ADAM12: variants seen among roughly 807,000 people sequenced by gnomAD.
The protein encoded by ADAM12 is disintegrin and metalloproteinase domain-containing protein 12.
In ADAM12, 70 loss-of-function variants were observed where a neutral mutation model predicts 106.4. The ratio of observed to expected loss-of-function variants is 0.66; its 90% CI spans 0.54 to 0.80. The LOEUF (loss-of-function observed/expected upper bound fraction) is 0.80. Ranked by LOEUF, ADAM12 falls within the 30% of genes least tolerant of loss-of-function variation. ADAM12 has a pLI of 0.00. For missense variants in ADAM12, 1,010 were observed against 1,171.9 expected (o/e 0.86, Z 2.02); for synonymous variants, 420 against 433.5 (o/e 0.97, Z 0.39).
At chr10:126,371,623 C>T (rs1190411807) in intron 1 of ADAM12, among the ~76,000 whole-genome samples, 1 of 152,194 alleles carries the variant, frequency 6.6e-6, no homozygotes, top group Non-Finnish European at 1.5e-5. Context: ...GAGTGCTTAA[C>T]GGGCTTTACT....
intron 3 of ADAM12, among the ~76,000 whole-genome samples, chr10:126,187,158 G>A (rs193279579): frequency 1.6e-4 from 24 of 152,074 alleles, no homozygotes; most frequent in Admixed American, 1.4e-3. Flanking sequence ...TCTCTGTATC[G>A]TGGGAATTAC....
intron 6 of ADAM12, among the ~76,000 whole-genome samples, chr10:126,114,133 C>G (rs1388896253): frequency 1.3e-5 from 2 of 152,068 alleles, no homozygotes; most frequent in Admixed American, 6.5e-5. Context: ...TTGACCGTGA[C>G]TGGCATGGGG....
At chr10:126,284,311 T>C (rs972108297) in intron 2 of ADAM12, among the ~76,000 whole-genome samples, 3 of 118,832 alleles carry the variant, frequency 2.5e-5, no homozygotes, top group African/African-American at 3.4e-5. Context: ...CCAGCCTGGA[T>C]GACAGAGCAA....
At chr10:126,279,082 T>A in intron 2 of ADAM12, 94 bp from the exon 3 acceptor site, 1 of 912,916 alleles carries the variant, frequency 1.1e-6, no homozygotes, top group Non-Finnish European at 1.8e-6. Flanking sequence ...AATGAGGGAA[T>A]AAACGATGCG....
intron 3 of ADAM12, among the ~76,000 whole-genome samples, chr10:126,212,620 C>G (rs1413330201): frequency 6.6e-6 from 1 of 152,108 alleles, no homozygotes; most frequent in East Asian, 1.9e-4. Context: ...ACTGGGCTAT[C>G]TTGGTTTCTC....
intron 18 of ADAM12, among the ~76,000 whole-genome samples, chr10:126,042,686 G>A (rs1323328472): frequency 1.3e-5 from 2 of 152,198 alleles, no homozygotes; most frequent in Non-Finnish European, 2.9e-5. Flanking sequence ...TTCACACCTT[G>A]TCACCCTACC....
chr10:126,232,950 G>A (rs898834153), intron 3 of ADAM12, among the ~76,000 whole-genome samples: 1 of 152,286 alleles, frequency 6.6e-6, no homozygotes, highest in Non-Finnish European at 1.5e-5. Context: ...AAGGACGGGG[G>A]CAGTAGGGAG....
At chr10:126,310,032 G>T (rs551243937) in intron 2 of ADAM12, among the ~76,000 whole-genome samples, 1 of 151,990 alleles carries the variant, frequency 6.6e-6, no homozygotes, top group Admixed American at 6.6e-5. Flanking sequence ...AGTGGCATGC[G>T]CCTGTAATCC....
chr10:126,109,780 G>C lies in ADAM12; in HGVS notation c.664C>G (p.Arg222Gly), dbSNP rs879811563. 6.2e-7 allele frequency: 1 copy of C among 1,611,380 alleles called. No homozygotes were observed. The highest frequency in any genetic ancestry group is 2.2e-5 in the East Asian group (1 of 44,876). The change falls in exon 7 of 23, where the codon CGA (arginine) becomes GGA (glycine). Residue 222 changes from arginine (R) to glycine (G), a missense_variant. Arg to Gly is a moderately radical substitution (Grantham distance 125). Coordinates refer to ENST00000448723, the MANE Select transcript of ADAM12 (RefSeq NM_001288973.2). The stretch of plus-strand genomic sequence containing the variant: ...AAATTTTAAAAAGTTCTTACCTCTC[G>C]GTTGTCTGCCACGATCACCAGCTCC... ...YVELVIVADN[R>G]EFQRQGKDLE... is the part of the protein sequence containing the mutation.
intron 5 of ADAM12, among the ~76,000 whole-genome samples, chr10:126,128,594 G>A (rs566690240): frequency 4.7e-4 from 71 of 151,310 alleles, no homozygotes; most frequent in African/African-American, 1.5e-3. Flanking sequence ...TGTGGTGCGC[G>A]TGTGGGAATG....
intron 17 of ADAM12, among the ~76,000 whole-genome samples, chr10:126,044,295 A>T (rs949911132): frequency 6.6e-6 from 1 of 151,248 alleles, no homozygotes; most frequent in African/African-American, 2.4e-5. Flanking sequence ...AAAAAAAGTT[A>T]AAAAAAATTA....
chr10:126,163,786 G>T (rs1186874345), intron 3 of ADAM12, among the ~76,000 whole-genome samples: 1 of 152,162 alleles, frequency 6.6e-6, no homozygotes, highest in African/African-American at 2.4e-5. Flanking sequence ...CCCACACTGG[G>T]TTGAGCTAAA....
At chr10:126,301,536 A>G (rs887035628) in intron 2 of ADAM12, among the ~76,000 whole-genome samples, 1 of 152,156 alleles carries the variant, frequency 6.6e-6, no homozygotes, top group Non-Finnish European at 1.5e-5. Flanking sequence ...GAATAAGGAA[A>G]GAAGAACCTC....
chr10:126,290,139 G>A (rs528803878), intron 2 of ADAM12, among the ~76,000 whole-genome samples: 3 of 152,288 alleles, frequency 2.0e-5, no homozygotes, highest in South Asian at 2.1e-4. Context: ...AGGGAGCCAT[G>A]AGCCAAGGAA....
intron 3 of ADAM12, among the ~76,000 whole-genome samples, chr10:126,183,596 C>T (rs973959285): frequency 2.0e-5 from 3 of 152,206 alleles, no homozygotes; most frequent in South Asian, 2.1e-4. Flanking sequence ...GTCAACATGT[C>T]GTCCGCACTT....
intron 2 of ADAM12, among the ~76,000 whole-genome samples, chr10:126,320,016 G>T (rs754505001): frequency 6.6e-6 from 1 of 152,048 alleles, no homozygotes; most frequent in Non-Finnish European, 1.5e-5. Flanking sequence ...CATTCTCAAC[G>T]GGGATGAGCA....
intron 5 of ADAM12, among the ~76,000 whole-genome samples, chr10:126,122,075 T>C (rs1408576291): frequency 3.3e-5 from 5 of 152,198 alleles, no homozygotes; most frequent in African/African-American, 1.2e-4. Context: ...AGATGTGCAT[T>C]TGAAGAACCG....
chr10:126,086,680 A>AATATATATATATATATATATATATAT (rs1210379675), intron 11 of ADAM12, among the ~76,000 whole-genome samples: 3 of 24,252 alleles, frequency 1.2e-4, no homozygotes, highest in Admixed American at 7.9e-4. Flanking sequence ...AAAAAAAAAA[A>AATATATATATATATATATATATATAT]ATATATATAT....
intron 16 of ADAM12, among the ~76,000 whole-genome samples, chr10:126,048,785 G>C (rs1018869560): frequency 6.7e-6 from 1 of 149,400 alleles, no homozygotes; most frequent in Non-Finnish European, 1.5e-5. Context: ...CTTTCTCCCT[G>C]TTCTCTGAAA....
Sources: allele counts gnomAD v4.1 joint callset (sites outside exome capture counted in the v4.1 genomes callset), GRCh38; gene constraint gnomAD v4.1.1; transcripts MANE v1.5; gene names NCBI Gene and HGNC (gene_info 2026-07-23, HGNC 2026-07-21).